CDC42EP5: variants seen among roughly 807,000 people sequenced by gnomAD.
CDC42EP5 encodes CDC42 effector protein 5, also known as CDC42 effector protein (Rho GTPase binding) 5.
For missense variants in CDC42EP5, 269 were observed against 238.0 expected (o/e 1.13, Z -0.86); for synonymous variants, 118 against 123.3 (o/e 0.96, Z 0.28).
chr19:54,471,384 G>A (rs2287822), intron 2 of CDC42EP5, 161 bp downstream of exon 2: 36,902 of 151,922 alleles, frequency 0.24, 5,904 homozygotes, highest in East Asian at 0.66. Flanking sequence ...ACCCGTGGGA[G>A]CTGCGGTGCA....
Position 54,465,159 on chromosome 19 carries a change from G to C in CDC42EP5, c.389C>G (p.Pro130Arg). Residue 130 changes from proline (P) to arginine (R), a missense_variant, in exon 3 of 3, where the codon CCC (proline) becomes CGC (arginine). Physicochemically the swap from Pro to Arg is moderately radical, Grantham distance 103. Coordinates refer to ENST00000301200, the MANE Select transcript of CDC42EP5 (RefSeq NM_145057.4). ...DAEPRPGTQP[P>R]QARCRPNADL... is the part of the protein sequence containing the mutation. ...CGCGTTGGGGCGGCAGCGGGCCTGG[G>C]GGGGCTGCGTCCCGGGGCGGGGTTC... 7.1e-7 allele frequency: 1 copy of C among 1,411,538 alleles called. No homozygotes were observed. The highest frequency in any genetic ancestry group is 9.2e-7 in the Non-Finnish European group (1 of 1,090,736). 87.4% of individuals were successfully genotyped at this position (1,411,538 alleles called of 1,614,324 possible).
intron 2 of CDC42EP5, 80 bp from the exon 3 acceptor site, chr19:54,465,627 C>G (rs915369901): frequency 7.5e-7 from 1 of 1,324,974 alleles, no homozygotes; most frequent in African/African-American, 1.6e-5. Flanking sequence ...CGATGGGGGA[C>G]GGTTCCCGTT....
chr19:54,466,444 A>T (rs7246643), intron 2 of CDC42EP5, among the ~76,000 whole-genome samples: 47,790 of 152,032 alleles, frequency 0.31, 8,984 homozygotes, highest in East Asian at 0.63. Context: ...ACCCTGTCTC[A>T]ATAAAAAGAA....
chr19:54,466,689 A>AG (rs1278648440), intron 2 of CDC42EP5, among the ~76,000 whole-genome samples: 1 of 151,878 alleles, frequency 6.6e-6, no homozygotes, highest in Non-Finnish European at 1.5e-5. Flanking sequence ...ACTGGGGAAA[A>AG]AATACAGTAA....
intron 2 of CDC42EP5, among the ~76,000 whole-genome samples, chr19:54,468,693 G>A (rs934930406): frequency 2.9e-4 from 43 of 150,294 alleles, no homozygotes; most frequent in African/African-American, 1.0e-3. Flanking sequence ...ACAGGCTCAT[G>A]CTACCATGTA....
chr19:54,465,198 G>A lies in CDC42EP5; in HGVS notation c.350C>T (p.Ala117Val). The change falls in exon 3 of 3, where the codon GCC becomes GTC. Residue 117 changes from alanine to valine, a missense_variant. Physicochemically the swap from Ala to Val is moderately conservative, Grantham distance 64. Coordinates refer to ENST00000301200, the MANE Select transcript of CDC42EP5 (RefSeq NM_145057.4). ...MDAARPEAAA[A>V]KPDAEPRPGT... is the part of the protein sequence containing the mutation. Reference sequence around the variant, plus strand: ...GGGGCGGGGTTCCGCGTCGGGCTTGGCGGCAGCCGCCTCCGGGCGCGCCGC... The same window carrying A: ...GGGGCGGGGTTCCGCGTCGGGCTTGACGGCAGCCGCCTCCGGGCGCGCCGC... 1 of 1,437,922 alleles carries A rather than the reference G, an allele frequency of 7.0e-7. No homozygotes were observed. Among genetic ancestry groups the A allele is most frequent in the East Asian group, 3.0e-5 (1 of 33,300 alleles). The allele number at this position is 1,437,922 out of a possible 1,614,324, so 89.1% of individuals were successfully genotyped here.
chr19:54,470,904 T>C (rs1375652667), intron 2 of CDC42EP5, among the ~76,000 whole-genome samples: 1 of 152,152 alleles, frequency 6.6e-6, no homozygotes, highest in Non-Finnish European at 1.5e-5. Flanking sequence ...ACACCCTTGA[T>C]TGTCTTTTTT....
chr19:54,468,931 CT>C (rs1418324917), intron 2 of CDC42EP5, among the ~76,000 whole-genome samples: 2 of 145,854 alleles, frequency 1.4e-5, no homozygotes, highest in Non-Finnish European at 3.0e-5. Context: ...TTCTTTCTTT[CT>C]TTTCTTCCCT....
In CDC42EP5 at chr19:54,465,380, C is replaced by A; in HGVS notation, c.168G>T (p.Pro56=). Residue 56 remains proline, a synonymous_variant, in exon 3 of 3, where the codon CCG becomes CCT. Transcript: ENST00000301200. The part of the protein sequence containing the change: ...TSFLSRHGGG[P]PPEPRAPPAG... Reference sequence around the variant, plus strand: ...CGGGGGGCGCCCGGGGCTCGGGGGGCGGCCCGCCGCCGTGGCGGCTCAGGA... The same window carrying A: ...CGGGGGGCGCCCGGGGCTCGGGGGGAGGCCCGCCGCCGTGGCGGCTCAGGA... 2 of 1,173,942 alleles carry A rather than the reference C, an allele frequency of 1.7e-6. No homozygotes were observed. The highest frequency in any genetic ancestry group is 3.8e-5 in the South Asian group (1 of 26,114). The allele number at this position is 1,173,942 out of a possible 1,614,324, so 72.7% of individuals were successfully genotyped here. A position where few individuals can be genotyped will look rare whatever the true frequency, so the allele number is the denominator to read the frequency against.
intron 2 of CDC42EP5, among the ~76,000 whole-genome samples, chr19:54,470,513 G>C (rs1404011245): frequency 7.3e-6 from 1 of 136,272 alleles, no homozygotes; most frequent in Non-Finnish European, 1.6e-5. Context: ...GAGAAAGAAA[G>C]AAAGGAAAGA....
chr19:54,471,721 G>A (rs2084839138), intron 1 of CDC42EP5, 36 bp from the exon 2 acceptor site: 1 of 153,674 alleles, frequency 6.5e-6, no homozygotes, highest in African/African-American at 2.4e-5. Flanking sequence ...CCCGGAGGGA[G>A]ATTCAGGAGC....
chr19:54,468,112 A>G (rs544840573), intron 2 of CDC42EP5, among the ~76,000 whole-genome samples: 7 of 152,320 alleles, frequency 4.6e-5, no homozygotes, highest in African/African-American at 1.7e-4. Context: ...AAAGAAAACT[A>G]TACTTGTAAT....
chr19:54,465,357 G>A lies in CDC42EP5; in HGVS notation c.191C>T (p.Pro64Leu). Residue 64 changes from proline (P) to leucine (L), a missense_variant, in exon 3 of 3, where the codon CCC becomes CTC. Coordinates refer to ENST00000301200, the MANE Select transcript of CDC42EP5 (RefSeq NM_145057.4). ...GGPPPEPRAP[P>L]AGAPRSPPPP... is the part of the protein sequence containing the mutation. ...CGGCGGGGAGCGCGGGGCCCCCGCG[G>A]GGGGCGCCCGGGGCTCGGGGGGCGG... 3.5e-6 allele frequency: 4 copies of A among 1,154,948 alleles called. No individual in the cohort carries two copies. The highest frequency in any genetic ancestry group is 4.3e-6 in the Non-Finnish European group (4 of 938,644). The allele number at this position is 1,154,948 out of a possible 1,614,324, so 71.5% of individuals were successfully genotyped here.
At chr19:54,468,888 A>ATTCATTCCTTCCTTCCTTCC (rs1331627657) in intron 2 of CDC42EP5, among the ~76,000 whole-genome samples, 10 of 116,384 alleles carry the variant, frequency 8.6e-5, no homozygotes, top group East Asian at 3.0e-4. Context: ...AGATACTCTG[A>ATTCATTCCTTCCTTCCTTCC]TTCCTTCCTT....
chr19:54,470,834 C>A (rs1482207246), intron 2 of CDC42EP5, among the ~76,000 whole-genome samples: 4 of 152,048 alleles, frequency 2.6e-5, no homozygotes, highest in Admixed American at 2.6e-4. Context: ...GGGCATGCCA[C>A]CCCATGAGAA....
intron 2 of CDC42EP5, among the ~76,000 whole-genome samples, chr19:54,469,080 C>T (rs12460843): frequency 0.037 from 5,600 of 151,810 alleles, 176 homozygotes; most frequent in South Asian, 0.15. Flanking sequence ...CTGCAACCTC[C>T]GCCTCCCAGG....
chr19:54,465,520 CG>C lies in CDC42EP5; in HGVS notation c.27del (p.Ala10ArgfsTer40). The C allele has an allele frequency of 6.5e-7, 1 of 1,536,874 alleles. No homozygotes were observed. The highest frequency in any genetic ancestry group is 8.7e-7 in the Non-Finnish European group (1 of 1,153,868). On this transcript the variant is annotated frameshift_variant, in exon 3 of 3. Transcript: ENST00000301200. LOFTEE classifies it low-confidence loss of function (END_TRUNC). Reference sequence around the variant, plus strand: ...CGATCAGGCCGCTTCTTGGGCTGCGCGGGGCCCAGCTGCTTCAGCACGGGCA... The same window carrying C: ...CGATCAGGCCGCTTCTTGGGCTGCGCGGGCCCAGCTGCTTCAGCACGGGCA... Reference protein sequence around the residue: MPVLKQLGPAQPKKRPDRG... With the variant: MPVLKQLGXAQPKKRPDRG...
At chr19:54,466,796 G>A (rs7248947) in intron 2 of CDC42EP5, among the ~76,000 whole-genome samples, 47,755 of 151,996 alleles carry the variant, frequency 0.31, 8,964 homozygotes, top group East Asian at 0.63. Flanking sequence ...GATTTAAAGT[G>A]TAGGAGAGGA....
intron 2 of CDC42EP5, among the ~76,000 whole-genome samples, chr19:54,469,596 C>G (rs2084807872): frequency 6.6e-6 from 1 of 152,196 alleles, no homozygotes. Context: ...CTTCCCAGTC[C>G]TTTTGCAAGA....
Sources: allele counts gnomAD v4.1 joint callset (sites outside exome capture counted in the v4.1 genomes callset), GRCh38; gene constraint gnomAD v4.1.1; transcripts MANE v1.5; gene names NCBI Gene and HGNC (gene_info 2026-07-23, HGNC 2026-07-21).